The following BMP6 variants were observed in gnomAD, a reference collection of about 807,000 sequenced individuals.
BMP6 encodes VG-1-R.
In BMP6, 17 loss-of-function variants were observed where a neutral mutation model predicts 54.1. That is an observed-to-expected ratio of 0.31 (90% CI 0.22 to 0.47). The LOEUF is 0.47. BMP6 is among the 20% of genes least tolerant of loss of function. The probability of loss-of-function intolerance (pLI) is 1.00; values close to 1 mark genes in which losing one functional copy is unlikely to be tolerated. For synonymous variants in BMP6, 328 were observed against 291.2 expected (o/e 1.13, Z -1.28); for missense variants, 720 against 690.4 (o/e 1.04, Z -0.48).
At chr6:7,868,088 A>G (rs938073320) in intron 4 of BMP6, among the ~76,000 whole-genome samples, 1 of 152,182 alleles carries the variant, frequency 6.6e-6, no homozygotes, top group Non-Finnish European at 1.5e-5. Flanking sequence ...AGGGTCTTAG[A>G]GCTAAGTTTT....
intron 1 of BMP6, among the ~76,000 whole-genome samples, chr6:7,823,925 G>A (rs1758653131): frequency 6.6e-6 from 1 of 152,232 alleles, no homozygotes; most frequent in African/African-American, 2.4e-5. Flanking sequence ...GAGGACTTTT[G>A]AGGGTTACCT....
chr6:7,756,478 A>C (rs540231447), intron 1 of BMP6, among the ~76,000 whole-genome samples: 1 of 152,022 alleles, frequency 6.6e-6, no homozygotes, highest in East Asian at 1.9e-4. Context: ...GTTATTTCTG[A>C]GTCTGTTTTT....
At chr6:7,782,470 G>A (rs1406987907) in intron 1 of BMP6, among the ~76,000 whole-genome samples, 1 of 152,154 alleles carries the variant, frequency 6.6e-6, no homozygotes, top group Admixed American at 6.5e-5. Context: ...CAGCACTTTG[G>A]AAGGCTGAGG....
At chr6:7,733,212 G>T (rs537833232) in intron 1 of BMP6, among the ~76,000 whole-genome samples, 1 of 152,254 alleles carries the variant, frequency 6.6e-6, no homozygotes, top group South Asian at 2.1e-4. Context: ...GGCCAGGAAT[G>T]ACTATTGTTT....
At chr6:7,754,994 A>C (rs1757490846) in intron 1 of BMP6, among the ~76,000 whole-genome samples, 1 of 152,238 alleles carries the variant, frequency 6.6e-6, no homozygotes, top group Admixed American at 6.5e-5. Flanking sequence ...CTGGGATTAC[A>C]GGCGTGAGCC....
intron 1 of BMP6, among the ~76,000 whole-genome samples, chr6:7,777,978 G>A (rs1478472491): frequency 6.6e-6 from 1 of 152,004 alleles, no homozygotes; most frequent in Admixed American, 6.5e-5. Context: ...CAAAATGAGT[G>A]CTAATAACTT....
In BMP6 at chr6:7,727,497, C is replaced by G; in HGVS notation, c.542C>G (p.Pro181Arg). The G allele has an allele frequency of 6.3e-7, 1 of 1,595,586 alleles. No individual in the cohort carries two copies. The highest frequency in any genetic ancestry group is 8.5e-7 in the Non-Finnish European group (1 of 1,176,692). ...RRQPPPGAAHPLNRKSLLAPG... is the reference protein window; with the variant it reads ...RRQPPPGAAHRLNRKSLLAPG... ...CAGCCGCCCCCGGGCGCCGCGCACCCGCTCAACCGCAAGAGCCTTCTGGCC... is the reference window on the plus strand; with the variant it reads ...CAGCCGCCCCCGGGCGCCGCGCACCGGCTCAACCGCAAGAGCCTTCTGGCC... The change falls in exon 1 of 7, where the codon CCG becomes CGG. Residue 181 changes from proline to arginine, a missense_variant. Physicochemically the swap from Pro to Arg is moderately radical, Grantham distance 103. Transcript: ENST00000283147.
intron 1 of BMP6, among the ~76,000 whole-genome samples, chr6:7,811,398 T>A (rs1400767887): frequency 1.3e-5 from 2 of 152,138 alleles, no homozygotes; most frequent in Non-Finnish European, 2.9e-5. Flanking sequence ...AATGGGAGAC[T>A]ATCTAGAAGG....
chr6:7,784,006 C>G (rs1757986222), intron 1 of BMP6, among the ~76,000 whole-genome samples: 1 of 152,188 alleles, frequency 6.6e-6, no homozygotes, highest in African/African-American at 2.4e-5. Flanking sequence ...AAAGCCATGG[C>G]CGATTTCCCC....
chr6:7,838,079 C>T (rs969890580), intron 1 of BMP6, among the ~76,000 whole-genome samples: 18 of 152,188 alleles, frequency 1.2e-4, no homozygotes, highest in South Asian at 8.3e-4. Flanking sequence ...CCACGGTTTC[C>T]GTATCCACAG....
In BMP6 at chr6:7,780,040, G is replaced by A. The variant is rs117070971; in HGVS notation, c.664+52421G>A. ...CCATGGGCTGTGTGGTTGAGGATGT[G>A]TTTGAGTTAAGTAGGCTCTAGATAG... On this transcript the variant is annotated intron_variant, in intron 1 of 6. Transcript: ENST00000283147. 7.3e-3 allele frequency among the ~76,000 whole-genome samples: 1,111 copies of A among 152,264 alleles called. 42 individuals carry two copies. The East Asian group carries it at 0.086, about 12-fold the overall frequency.
In BMP6 at chr6:7,812,755, A is replaced by G. The variant is rs150949544; in HGVS notation, c.665-32385A>G. Among the ~76,000 whole-genome samples the G allele has an allele frequency of 7.6e-3, 1,160 of 152,188 alleles. 8 individuals carry two copies. The highest frequency in any genetic ancestry group is 0.026 in the African/African-American group (1,090 of 41,520). ...ATGAAAAAGAAACTGAGAAAGAACT[A>G]TAAGTGCCTGTGGTGTATTTTCAAC... On this transcript the variant is annotated intron_variant, in intron 1 of 6. Coordinates refer to ENST00000283147, the MANE Select transcript of BMP6 (RefSeq NM_001718.6).
At chr6:7,778,021 G>C (rs866511292) in intron 1 of BMP6, among the ~76,000 whole-genome samples, 1 of 152,162 alleles carries the variant, frequency 6.6e-6, no homozygotes. Flanking sequence ...TCGTTCAGAA[G>C]TCTGGTTACA....
chr6:7,868,449 T>C (rs1759463884), intron 4 of BMP6, among the ~76,000 whole-genome samples: 1 of 152,222 alleles, frequency 6.6e-6, no homozygotes, highest in Admixed American at 6.5e-5. Context: ...GCTGTATTGA[T>C]TCTGCTGGGC....
intron 1 of BMP6, among the ~76,000 whole-genome samples, chr6:7,737,171 G>T (rs1481954502): frequency 6.6e-6 from 1 of 151,676 alleles, no homozygotes; most frequent in Non-Finnish European, 1.5e-5. Context: ...GAGTGACAAA[G>T]CGAGACTCCA....
intron 1 of BMP6, among the ~76,000 whole-genome samples, chr6:7,787,532 T>C (rs1314535692): frequency 6.6e-6 from 1 of 152,218 alleles, no homozygotes; most frequent in Non-Finnish European, 1.5e-5. Context: ...AAGAGGAATC[T>C]GTTAGACTCC....
chr6:7,814,833 G>A (rs1282682954), intron 1 of BMP6, among the ~76,000 whole-genome samples: 1 of 152,176 alleles, frequency 6.6e-6, no homozygotes, highest in East Asian at 1.9e-4. Context: ...TGAGGCAGGG[G>A]AGGGGGAGAG....
At chr6:7,767,900 A>T (rs952257762) in intron 1 of BMP6, among the ~76,000 whole-genome samples, 4 of 152,066 alleles carry the variant, frequency 2.6e-5, no homozygotes, top group African/African-American at 9.7e-5. Context: ...GTGGAGGGGA[A>T]GCCCTCTGTG....
intron 1 of BMP6, among the ~76,000 whole-genome samples, chr6:7,765,180 T>C (rs1181049263): frequency 1.3e-5 from 2 of 152,160 alleles, no homozygotes; most frequent in African/African-American, 4.8e-5. Context: ...TACTTCTGCC[T>C]TCTGATTGGT....
Sources: allele counts gnomAD v4.1 joint callset (sites outside exome capture counted in the v4.1 genomes callset), GRCh38; gene constraint gnomAD v4.1.1; transcripts MANE v1.5; gene names NCBI Gene and HGNC (gene_info 2026-07-23, HGNC 2026-07-21).